The following REV3L variants were observed in gnomAD, a reference collection of about 807,000 sequenced individuals.
The protein encoded by REV3L is REV3 like, DNA directed polymerase zeta catalytic subunit, also known as DNA polymerase zeta catalytic subunit.
In REV3L, 69 loss-of-function variants were observed where a neutral mutation model predicts 299.4. The ratio of observed to expected loss-of-function variants is 0.23; its 90% CI spans 0.19 to 0.28. REV3L has a LOEUF of 0.28. Among genes scored for constraint, REV3L ranks in the 10% least tolerant of loss-of-function variants. The pLI is 1.00. For synonymous variants in REV3L, 1,238 were observed against 1,271.4 expected (o/e 0.97, Z 0.56); for missense variants, 3,128 against 3,693.8 (o/e 0.85, Z 3.97).
chr6:111,393,856 A>C (rs906518730), intron 4 of REV3L, among the ~76,000 whole-genome samples: 2 of 152,186 alleles, frequency 1.3e-5, no homozygotes, highest in Non-Finnish European at 2.9e-5. Context: ...TTTAGTTCCC[A>C]CATCAGTAAG....
rs1220237827 is a variant in REV3L at position 111,393,312 on chromosome 6, C to CG, written c.566-341dup. On this transcript the variant is annotated intron_variant, in intron 4 of 31. Coordinates refer to ENST00000368802, the MANE Select transcript of REV3L (RefSeq NM_001372078.1). The stretch of plus-strand genomic sequence containing the variant: ...GATTACAGGTGTGAGCCACCATGCC[C>CG]GGCTGGTAAATGTTCTTTAAAAAAT... 6.6e-5 allele frequency among the ~76,000 whole-genome samples: 10 copies of CG among 152,174 alleles called. No homozygotes were observed. In the East Asian group the frequency reaches 1.5e-3, roughly 24 times the overall value.
intron 27 of REV3L, among the ~76,000 whole-genome samples, chr6:111,315,051 T>C (rs1420389001): frequency 1.3e-5 from 2 of 152,024 alleles, no homozygotes; most frequent in East Asian, 3.9e-4. Context: ...GGTCTGGCTA[T>C]GTTGTCCAGG....
chr6:111,426,791 G>A (rs9487639), intron 1 of REV3L, among the ~76,000 whole-genome samples: 105,781 of 152,040 alleles, frequency 0.7, 38,237 homozygotes, highest in Non-Finnish European at 0.81. Context: ...AAAGGCACAC[G>A]CCATGGTACA....
chr6:111,365,180 G>T, intron 15 of REV3L, 85 bp downstream of exon 15: 2 of 879,608 alleles, frequency 2.3e-6, no homozygotes, highest in South Asian at 1.9e-5. Flanking sequence ...TTTTTTAATT[G>T]AGACAAAGTT....
intron 19 of REV3L, among the ~76,000 whole-genome samples, chr6:111,349,591 A>AG (rs1777389492): frequency 3.3e-5 from 5 of 151,696 alleles, no homozygotes; most frequent in Non-Finnish European, 4.4e-5. Flanking sequence ...TTTGTTTTTT[A>AG]TGTTGCCCAG....
At chr6:111,412,987 A>G (rs1056920240) in intron 2 of REV3L, among the ~76,000 whole-genome samples, 3 of 152,114 alleles carry the variant, frequency 2.0e-5, no homozygotes, top group Admixed American at 1.3e-4. Context: ...ACCTTCTCAG[A>G]AAAGTCTCAC....
intron 1 of REV3L, among the ~76,000 whole-genome samples, chr6:111,456,764 A>G (rs1164424460): frequency 2.0e-5 from 3 of 152,190 alleles, no homozygotes; most frequent in Non-Finnish European, 4.4e-5. Context: ...GACATATCCA[A>G]AGAATCTCTG....
chr6:111,382,874 A>C (rs1194836096), intron 9 of REV3L, among the ~76,000 whole-genome samples: 1 of 152,112 alleles, frequency 6.6e-6, no homozygotes, highest in East Asian at 1.9e-4. Flanking sequence ...GAGAGGAAGG[A>C]GTGAAGAGAA....
rs1332538875 is a variant in REV3L, at chr6:111,374,507, G to A, written c.3848C>T (p.Pro1283Leu). Residue 1283 changes from proline to leucine, a missense_variant, in exon 13 of 32, where the codon CCC becomes CTC. Physicochemically the swap from Pro to Leu is moderately conservative, Grantham distance 98. Around this residue, in one of 9 missense-constraint regions of REV3L, gnomAD observed 2,409 missense variants for 2,611.8 expected, o/e 0.92. Coordinates refer to ENST00000368802, the MANE Select transcript of REV3L (RefSeq NM_001372078.1). ...AVDHPLSASL[P>L]TGINAQQKLS... Reference sequence around the variant, plus strand: ...CTTCTGTTGTGCATTAATTCCAGTGGGTAGGGAAGCAGAAAGGGGATGATC... The same window carrying A: ...CTTCTGTTGTGCATTAATTCCAGTGAGTAGGGAAGCAGAAAGGGGATGATC... 1.2e-6 allele frequency: 2 copies of A among 1,613,936 alleles called. No individual in the cohort carries two copies. The highest frequency in any genetic ancestry group is 2.2e-5 in the South Asian group (2 of 91,062).
intron 2 of REV3L, among the ~76,000 whole-genome samples, chr6:111,413,672 AG>A (rs1453169279): frequency 6.6e-6 from 1 of 152,102 alleles, no homozygotes; most frequent in African/African-American, 2.4e-5. Flanking sequence ...GGAAGGAAAA[AG>A]GGGATCTAGG....
intron 21 of REV3L, among the ~76,000 whole-genome samples, chr6:111,342,616 A>C (rs930515524): frequency 5.3e-5 from 8 of 151,246 alleles, no homozygotes; most frequent in African/African-American, 1.2e-4. Context: ...TGCAGTGAGC[A>C]GAGACTGTGC....
chr6:111,321,449 A>G (rs772728893), intron 26 of REV3L, among the ~76,000 whole-genome samples: 12 of 152,262 alleles, frequency 7.9e-5, no homozygotes, highest in Non-Finnish European at 1.8e-4. Context: ...CAAGTGGAGA[A>G]CTTATTTTAG....
chr6:111,439,371 G>T (rs1007418849), intron 1 of REV3L, among the ~76,000 whole-genome samples: 2 of 152,136 alleles, frequency 1.3e-5, no homozygotes, highest in African/African-American at 2.4e-5. Context: ...GTTGTGCAAG[G>T]GGGACAAGAG....
intron 4 of REV3L, among the ~76,000 whole-genome samples, chr6:111,404,373 C>A (rs1325420734): frequency 6.6e-6 from 1 of 152,190 alleles, no homozygotes; most frequent in Non-Finnish European, 1.5e-5. Flanking sequence ...ACCTGGTCAC[C>A]CAACAGGTCT....
In REV3L at chr6:111,299,736, T is replaced by C; in HGVS notation, c.*280A>G. 2 of 218,802 alleles carry C rather than the reference T, an allele frequency of 9.1e-6. No homozygotes were observed. Among genetic ancestry groups the C allele is most frequent in the Non-Finnish European group, 8.9e-6 (1 of 111,870 alleles). The allele number at this position is 218,802 out of a possible 1,614,324, so 13.6% of individuals were successfully genotyped here. On this transcript the variant is annotated 3_prime_UTR_variant, in exon 32 of 32. Coordinates refer to ENST00000368802, the MANE Select transcript of REV3L (RefSeq NM_001372078.1). ...GGGAAGTAAACATGATCTACTCAAA[T>C]GAATTTACAAGATGGTACACATACT... is the stretch of plus-strand genomic sequence containing the variant.
intron 1 of REV3L, among the ~76,000 whole-genome samples, chr6:111,475,827 C>T (rs1037555100): frequency 6.6e-6 from 1 of 152,138 alleles, no homozygotes; most frequent in African/African-American, 2.4e-5. Context: ...CTTCACCAAT[C>T]CTGGATTACG....
intron 31 of REV3L, among the ~76,000 whole-genome samples, chr6:111,306,291 G>A (rs1772283268): frequency 6.6e-6 from 1 of 152,152 alleles, no homozygotes. Context: ...GAAGGAGCAG[G>A]GTGTTTAAAG....
chr6:111,331,614 C>G, intron 24 of REV3L, 62 bp downstream of exon 24: 1 of 1,127,696 alleles, frequency 8.9e-7, no homozygotes, highest in Non-Finnish European at 1.3e-6. Flanking sequence ...ATATCTAAAC[C>G]ATTATCAGCT....
chr6:111,384,472 A>G (rs1781139348), intron 9 of REV3L, among the ~76,000 whole-genome samples: 1 of 152,214 alleles, frequency 6.6e-6, no homozygotes, highest in Admixed American at 6.5e-5. Flanking sequence ...AAGATATACA[A>G]ATGGCAGACA....
Sources: gnomAD v4.1 joint callset for allele counts (sites outside exome capture counted in the v4.1 genomes callset) on GRCh38, gnomAD v4.1.1 for gene constraint, gnomAD v4.1.1 regional missense constraint, MANE v1.5 for transcripts, NCBI Gene and HGNC (gene_info 2026-07-23, HGNC 2026-07-21) for gene names.